MICAL3: variants seen among roughly 807,000 people sequenced by gnomAD.
The protein encoded by MICAL3 is [F-actin]-monooxygenase MICAL3.
In MICAL3, 62 loss-of-function variants were observed where a neutral mutation model predicts 207.4. The ratio of observed to expected loss-of-function variants is 0.30; its 90% CI spans 0.24 to 0.37. MICAL3 has a LOEUF of 0.37. Among genes scored for constraint, MICAL3 ranks in the 10% least tolerant of loss-of-function variants. The pLI, the probability that MICAL3 is intolerant of heterozygous loss-of-function variation, is 1.00. For missense variants in MICAL3, 2,368 were observed against 2,635.6 expected (o/e 0.90, Z 2.22); for synonymous variants, 1,077 against 1,069.3 (o/e 1.01, Z -0.14).
chr22:17,886,988 C>CAAAAAAAAAAAAAAAAAA (rs55999508), intron 15 of MICAL3, among the ~76,000 whole-genome samples, 182 bp downstream of exon 15: 21 of 41,350 alleles, frequency 5.1e-4, no homozygotes, highest in Admixed American at 7.8e-4. Context: ...ACTCTTGTCT[C>CAAAAAAAAAAAAAAAAAA]AAAAAAAAAA....
Position 17,810,920 on chromosome 22 carries a change from C to A in MICAL3, c.5446-107G>T, listed in dbSNP as rs973110549. 37 of 837,862 alleles carry A rather than the reference C, an allele frequency of 4.4e-5. No individual in the cohort carries two copies. The African/African-American group carries it at 5.5e-4, about 13-fold the overall frequency. The allele number at this position is 837,862 out of a possible 1,614,324, so 51.9% of individuals were successfully genotyped here. On this transcript the variant is annotated intron_variant, in intron 27 of 31. Coordinates refer to ENST00000441493, the MANE Select transcript of MICAL3 (RefSeq NM_015241.3). ...GAGAGGTCTGTCCCCCATGTCGGAG[C>A]TGGTACCCGGGCAGATAGGACAAGC...
intron 28 of MICAL3, among the ~76,000 whole-genome samples, chr22:17,809,401 T>C (rs1292725966): frequency 6.6e-6 from 1 of 152,210 alleles, no homozygotes; most frequent in Non-Finnish European, 1.5e-5. Flanking sequence ...TTTGGGAGGC[T>C]GAGGTGGGCG....
Position 17,889,185 on chromosome 22 carries a change from T to C in MICAL3, c.1740A>G (p.Gln580=), listed in dbSNP as rs745621187. Residue 580 remains glutamine, a synonymous_variant, in exon 13 of 32, where the codon CAA becomes CAG. Coordinates refer to ENST00000441493, the MANE Select transcript of MICAL3 (RefSeq NM_015241.3). ...CCTTCTCAGCAATGTCAAAGGCCAG[T>C]TGGTTATTCTTCTCCACATTTTGCT... is the stretch of plus-strand genomic sequence containing the variant. ...LDEQNVEKNN[Q]LAFDIAEKEL... 3.1e-6 allele frequency: 5 copies of C among 1,613,608 alleles called. No homozygotes were observed. Among genetic ancestry groups the C allele is most frequent in the Middle Eastern group, 1.7e-4 (1 of 6,060 alleles).
chr22:17,996,102 C>T (rs1309344327), intron 1 of MICAL3, among the ~76,000 whole-genome samples: 1 of 144,692 alleles, frequency 6.9e-6, no homozygotes, highest in East Asian at 2.0e-4. Flanking sequence ...TGCACTCCAG[C>T]CTAGGTGGCA....
intron 1 of MICAL3, among the ~76,000 whole-genome samples, chr22:17,965,059 C>T (rs1935083055): frequency 6.6e-6 from 1 of 152,072 alleles, no homozygotes; most frequent in African/African-American, 2.4e-5. Context: ...AGTCCTCTGA[C>T]AGAGGGAGGA....
In MICAL3 at chr22:17,817,294, C is replaced by A; in HGVS notation, c.5350+17G>T. 6.4e-7 allele frequency: 1 copy of A among 1,572,300 alleles called. No individual in the cohort carries two copies. Among genetic ancestry groups the A allele is most frequent in the East Asian group, 2.3e-5 (1 of 42,782 alleles). On this transcript the variant is annotated intron_variant, in intron 26 of 31. Transcript: ENST00000441493. ...CCCTCCCGCTCTGCCTGCACGCGGA[C>A]CCGGCTGCTGACGCACCTGCCCTTA...
In MICAL3 at chr22:17,864,951, T is replaced by C; in HGVS notation, c.2553A>G (p.Thr851=). Reference sequence around the variant, plus strand: ...CGGCGTTGGCCCGTCCGTTTGCATCTGTGGTGGCGCCATCCTGCAGGGGTC... The same window carrying C: ...CGGCGTTGGCCCGTCCGTTTGCATCCGTGGTGGCGCCATCCTGCAGGGGTC... ...AKGPLQDGAT[T]DANGRANAVA... Residue 851 remains threonine (T), a synonymous_variant, in exon 19 of 32, where the codon ACA becomes ACG. Transcript: ENST00000441493. 6.2e-7 allele frequency: 1 copy of C among 1,612,748 alleles called. No individual in the cohort carries two copies. Among genetic ancestry groups the C allele is most frequent in the Non-Finnish European group, 8.5e-7 (1 of 1,178,964 alleles).
At chr22:17,968,693 C>A (rs945174579) in intron 1 of MICAL3, among the ~76,000 whole-genome samples, 5 of 152,034 alleles carry the variant, frequency 3.3e-5, no homozygotes, top group African/African-American at 1.2e-4. Flanking sequence ...AAAGAAAGGC[C>A]GGTTCCACAC....
Position 17,841,663 on chromosome 22 carries a change from G to A in MICAL3, c.2801+159C>T, listed in dbSNP as rs925911800. 3.0e-6 allele frequency: 2 copies of A among 664,812 alleles called. No individual in the cohort carries two copies. Among genetic ancestry groups the A allele is most frequent in the Admixed American group, 2.8e-5 (1 of 36,290 alleles). The allele number at this position is 664,812 out of a possible 1,614,324, so 41.2% of individuals were successfully genotyped here. A position where few individuals can be genotyped will look rare whatever the true frequency, so the allele number is the denominator to read the frequency against. On this transcript the variant is annotated intron_variant, in intron 20 of 31. Transcript: ENST00000441493. This position sits in a 1 kb window ranked among gnomAD's most constrained non-coding sequence, Gnocchi z 4.2. ...ATGGAGGAGTCCTCACTGACTAGAAGATGAGGCTAAGAACCTAAAAGGGAC... is the reference window on the plus strand; with the variant it reads ...ATGGAGGAGTCCTCACTGACTAGAAAATGAGGCTAAGAACCTAAAAGGGAC...
intron 21 of MICAL3, 68 bp from the exon 22 acceptor site, chr22:17,827,849 GGAAACA>G (rs1312271127): frequency 6.8e-7 from 1 of 1,479,968 alleles, no homozygotes; most frequent in Non-Finnish European, 9.1e-7. Flanking sequence ...GCATGGGAAA[GGAAACA>G]GAAAGAGAAG....
intron 1 of MICAL3, among the ~76,000 whole-genome samples, chr22:17,968,747 G>C (rs904574419): frequency 2.0e-5 from 3 of 152,164 alleles, no homozygotes; most frequent in Non-Finnish European, 4.4e-5. Flanking sequence ...CAAACAGTTT[G>C]ACGTAGGATA....
intron 17 of MICAL3, among the ~76,000 whole-genome samples, chr22:17,869,539 G>A (rs1046857438): frequency 6.6e-6 from 1 of 152,142 alleles, no homozygotes; most frequent in African/African-American, 2.4e-5. Context: ...ATGAGCTAAT[G>A]CTTTGCAAAA....
chr22:17,866,843 G>A (rs189873426), intron 17 of MICAL3, among the ~76,000 whole-genome samples: 2 of 152,306 alleles, frequency 1.3e-5, no homozygotes, highest in African/African-American at 2.4e-5. Context: ...CTCTGGTAAT[G>A]GAATTAACCC....
rs564749109 is a variant in MICAL3, at chr22:17,953,927, T to A, written c.-74-47041A>T. 5.7e-4 allele frequency among the ~76,000 whole-genome samples: 28 copies of A among 48,724 alleles called. No homozygotes were observed. The Middle Eastern group carries it at 0.038, about 67-fold the overall frequency. 32.0% of individuals were successfully genotyped at this position (48,724 alleles called of 152,430 possible). On this transcript the variant is annotated intron_variant, in intron 1 of 31. Coordinates refer to ENST00000441493, the MANE Select transcript of MICAL3 (RefSeq NM_015241.3). ...GCCCAGGTGACAGAGTAAGACTCCA[T>A]CTCAAAAAAAAAAAAAAAAAAAAAA...
intron 21 of MICAL3, 47 bp downstream of exon 21, chr22:17,831,807 C>T: frequency 1.3e-6 from 2 of 1,532,816 alleles, no homozygotes; most frequent in South Asian, 2.5e-5. Flanking sequence ...TGAAACAGAT[C>T]ACTTTGGGGG....
At chr22:17,905,754 G>A (rs913146473) in intron 2 of MICAL3, among the ~76,000 whole-genome samples, 1 of 152,176 alleles carries the variant, frequency 6.6e-6, no homozygotes, top group Non-Finnish European at 1.5e-5. Flanking sequence ...AGGGAAGCAG[G>A]AAATGTACCT....
chr22:17,870,529 G>C (rs1219931134), intron 17 of MICAL3, among the ~76,000 whole-genome samples: 2 of 152,266 alleles, frequency 1.3e-5, no homozygotes, highest in African/African-American at 4.8e-5. Context: ...ATGGGCAAAA[G>C]TACCTGTAGA....
chr22:17,823,144 C>T (rs1193982808), intron 22 of MICAL3, 84 bp from the exon 23 acceptor site: 1 of 915,806 alleles, frequency 1.1e-6, no homozygotes, highest in African/African-American at 1.6e-5. Context: ...GAGGTACTGC[C>T]TTTCTCAGGG....
chr22:17,849,148 G>A (rs1602048691), intron 19 of MICAL3, among the ~76,000 whole-genome samples: 2 of 152,182 alleles, frequency 1.3e-5, no homozygotes, highest in East Asian at 1.9e-4. Context: ...TTTGTTGAGC[G>A]ACTACCTGTG....
Sources: allele counts gnomAD v4.1 joint callset (sites outside exome capture counted in the v4.1 genomes callset), GRCh38; gene constraint gnomAD v4.1.1; non-coding constraint Gnocchi (gnomAD v3.1); transcripts MANE v1.5; gene names NCBI Gene and HGNC (gene_info 2026-07-23, HGNC 2026-07-21).